WDR76: variants seen among roughly 807,000 people sequenced by gnomAD.
WDR76 encodes the protein WD repeat domain 76, also known as WD repeat-containing protein 76.
In WDR76, 52 loss-of-function variants were observed where a neutral mutation model predicts 70.2. The ratio of observed to expected loss-of-function variants is 0.74; its 90% confidence interval spans 0.59 to 0.93. The LOEUF (loss-of-function observed/expected upper bound fraction) is 0.93, where lower values mean the gene tolerates loss of function less well. Among genes scored for constraint, WDR76 ranks in the 40% least tolerant of loss-of-function variants. The probability of loss-of-function intolerance (pLI) is 0.00; values close to 1 mark genes in which losing one functional copy is unlikely to be tolerated. For synonymous variants in WDR76, 292 were observed against 271.1 expected (o/e 1.08, Z -0.76); for missense variants, 756 against 760.2 (o/e 0.99, Z 0.07).
In WDR76 at chr15:43,843,984, T is replaced by C. The variant is rs892285688; in HGVS notation, c.962T>C (p.Leu321Pro). The C allele has an allele frequency of 5.0e-6, 8 of 1,614,016 alleles. No individual in the cohort carries two copies. Among genetic ancestry groups the C allele is most frequent in the Non-Finnish European group, 6.8e-6 (8 of 1,179,948 alleles). ...VTTGPIFSMA[L>P]HPSETRTLVA... ...ACAGGCCCAATATTCTCTATGGCTC[T>C]CCATCCATCAGAAACTAGAACTTTG... The change falls in exon 8 of 13, where the codon CTC (leucine) becomes CCC (proline). Residue 321 changes from leucine (L) to proline (P), a missense_variant. Transcript: ENST00000263795.
chr15:43,854,056 T>C (rs892387302), intron 9 of WDR76, among the ~76,000 whole-genome samples: 2 of 152,170 alleles, frequency 1.3e-5, no homozygotes, highest in African/African-American at 4.8e-5. Context: ...CAGTAATAAG[T>C]GTTGACAATG....
At chr15:43,842,982 A>G (rs554615525) in intron 7 of WDR76, among the ~76,000 whole-genome samples, 2 of 149,368 alleles carry the variant, frequency 1.3e-5, no homozygotes, top group Admixed American at 1.3e-4. Flanking sequence ...TGTAATGTAT[A>G]TACAATTTTG....
chr15:43,845,499 A>G (rs2087777390), intron 8 of WDR76, among the ~76,000 whole-genome samples: 1 of 150,244 alleles, frequency 6.7e-6, no homozygotes, highest in African/African-American at 2.4e-5. Flanking sequence ...GGCCCTTACC[A>G]GACACTGAAT....
At position 43,833,320 on chromosome 15, in the gene WDR76, C is replaced by CT. The variant is rs572785012; in HGVS notation, c.463-1725dup. ...ACGTTATTTTTCTTTCTTTTCTTTT[C>CT]TTTTTTTTTTTTTTTTGAGATGGAG... On this transcript the variant is annotated intron_variant, in intron 2 of 12. Transcript: ENST00000263795. Among the ~76,000 whole-genome samples, 971 of 134,156 alleles carry CT rather than the reference C, an allele frequency of 7.2e-3. 8 individuals are homozygous for CT. The highest frequency in any genetic ancestry group is 0.027 in the South Asian group (114 of 4,252). The allele number at this position is 134,156 out of a possible 152,430, so 88.0% of individuals were successfully genotyped here.
chr15:43,847,887 TTTAA>T (rs2087808581), intron 8 of WDR76, among the ~76,000 whole-genome samples: 1 of 152,112 alleles, frequency 6.6e-6, no homozygotes, highest in Admixed American at 6.6e-5. Context: ...TACTTAGTTG[TTTAA>T]TTATCATAGT....
At chr15:43,840,046 A>T (rs774441110) in intron 5 of WDR76, among the ~76,000 whole-genome samples, 2 of 151,856 alleles carry the variant, frequency 1.3e-5, no homozygotes, top group Non-Finnish European at 2.9e-5. Flanking sequence ...TTTGGTAGAG[A>T]CGGGGTTTCA....
In WDR76 at chr15:43,859,237, A is replaced by T. The variant is rs559545735; in HGVS notation, c.1562+414A>T. Among the ~76,000 whole-genome samples, 10 of 152,340 alleles carry T rather than the reference A, an allele frequency of 6.6e-5. No homozygotes were observed. The South Asian group carries it at 1.9e-3, about 28-fold the overall frequency. On this transcript the variant is annotated intron_variant, in intron 11 of 12. Coordinates refer to ENST00000263795, the MANE Select transcript of WDR76 (RefSeq NM_024908.4). ...CAGACAGAAAAGAGCAAAAACTGGGATTCTATACAAACTATTGGATATGGT... is the reference window on the plus strand; with the variant it reads ...CAGACAGAAAAGAGCAAAAACTGGGTTTCTATACAAACTATTGGATATGGT...
chr15:43,828,979 T>C (rs1205247360), intron 2 of WDR76, among the ~76,000 whole-genome samples: 2 of 151,820 alleles, frequency 1.3e-5, no homozygotes, highest in Non-Finnish European at 2.9e-5. Context: ...CTCGGCTCAC[T>C]GCAACCTCGG....
intron 4 of WDR76, among the ~76,000 whole-genome samples, chr15:43,837,042 C>CAAAAAAAA: frequency 1.7e-5 from 1 of 58,306 alleles, no homozygotes; most frequent in Non-Finnish European, 3.6e-5. Flanking sequence ...CTCCATCTCA[C>CAAAAAAAA]AAAAAAAAAA....
chr15:43,827,570 A>T (rs2141718474), intron 1 of WDR76, among the ~76,000 whole-genome samples: 1 of 152,262 alleles, frequency 6.6e-6, no homozygotes, highest in South Asian at 2.1e-4. Flanking sequence ...TTTGAGCTTA[A>T]GTCTCACTCT....
chr15:43,845,354 G>A (rs1024733708), intron 8 of WDR76, among the ~76,000 whole-genome samples: 1 of 150,248 alleles, frequency 6.7e-6, no homozygotes, highest in African/African-American at 2.4e-5. Context: ...TATGGTATTA[G>A]GAGGTAGGAC....
chr15:43,866,104 A>G, intron 12 of WDR76, 24 bp from the exon 13 acceptor site: 1 of 1,609,724 alleles, frequency 6.2e-7, no homozygotes, highest in Non-Finnish European at 8.5e-7. Flanking sequence ...CTTCATTTAA[A>G]AAATATATTG....
chr15:43,836,273 ATTTG>A, intron 4 of WDR76, 57 bp downstream of exon 4: 4 of 1,545,308 alleles, frequency 2.6e-6, no homozygotes, highest in Non-Finnish European at 3.5e-6. Flanking sequence ...CTGTTTTATA[ATTTG>A]AAAAAAATGG....
intron 8 of WDR76, 24 bp from the exon 9 acceptor site, chr15:43,851,063 C>A: frequency 6.2e-7 from 1 of 1,609,206 alleles, no homozygotes. Flanking sequence ...TTTCTCTCTC[C>A]CCTTTCCCGC....
chr15:43,829,049 C>T (rs2087554511), intron 2 of WDR76, among the ~76,000 whole-genome samples: 2 of 151,844 alleles, frequency 1.3e-5, no homozygotes, highest in African/African-American at 4.8e-5. Context: ...ATTACAGGCG[C>T]GTGCCACCAC....
At chr15:43,847,501 A>T (rs368867652) in intron 8 of WDR76, among the ~76,000 whole-genome samples, 7 of 151,348 alleles carry the variant, frequency 4.6e-5, no homozygotes, top group Admixed American at 2.6e-4. Context: ...TGCTCACTGC[A>T]GCCTCCGCCT....
At chr15:43,847,097 C>T (rs1196874129) in intron 8 of WDR76, among the ~76,000 whole-genome samples, 2 of 150,616 alleles carry the variant, frequency 1.3e-5, no homozygotes, top group African/African-American at 4.9e-5. Context: ...CCTAATTTTC[C>T]AGGACATTTG....
At position 43,866,490 on chromosome 15, in the gene WDR76, AT is replaced by A; in HGVS notation, c.*101del. 1 of 1,335,756 alleles carries A rather than the reference AT, an allele frequency of 7.5e-7. No homozygotes were observed. The highest frequency in any genetic ancestry group is 1.0e-6 in the Non-Finnish European group (1 of 961,168). The allele number at this position is 1,335,756 out of a possible 1,614,324, so 82.7% of individuals were successfully genotyped here. ...GTGTGTTTATGTGGTAATGTGTTACATTTAGCAATTATAACATTGTTTTATT... is the reference window on the plus strand; with the variant it reads ...GTGTGTTTATGTGGTAATGTGTTACATTAGCAATTATAACATTGTTTTATT... On this transcript the variant is annotated 3_prime_UTR_variant, in exon 13 of 13. Transcript: ENST00000263795.
At position 43,866,361 on chromosome 15, in the gene WDR76, T is replaced by TA; in HGVS notation, c.1851dup (p.His618ThrfsTer6). 6.2e-7 allele frequency: 1 copy of TA among 1,614,090 alleles called. No individual in the cohort carries two copies. The highest frequency in any genetic ancestry group is 8.5e-7 in the Non-Finnish European group (1 of 1,179,938). ...GCTGGAGGTAATTCCAGCGGGAAGA[T>TA]ACATGTTTTTATGAATGAAAAAAGC... On this transcript the variant is annotated frameshift_variant, in exon 13 of 13. Transcript: ENST00000263795. LOFTEE classifies it high-confidence loss of function.
Sources: allele counts gnomAD v4.1 joint callset (sites outside exome capture counted in the v4.1 genomes callset), GRCh38; gene constraint gnomAD v4.1.1; transcripts MANE v1.5; gene names NCBI Gene and HGNC (gene_info 2026-07-23, HGNC 2026-07-21).